LMO7: variants seen among roughly 807,000 people sequenced by gnomAD.
LMO7 encodes the protein LIM domain only protein 7.
Under a neutral mutation model 206.5 loss-of-function variants are expected in LMO7, and 120 were observed. That is an observed-to-expected ratio of 0.58 (90% CI 0.50 to 0.68). The LOEUF (loss-of-function observed/expected upper bound fraction) is 0.68, where lower values mean the gene tolerates loss of function less well. Ranked by LOEUF, LMO7 falls within the 30% of genes least tolerant of loss-of-function variation. LMO7 has a pLI of 0.00. For missense variants in LMO7, 1,959 were observed against 1,957.9 expected (o/e 1.00, Z -0.01); for synonymous variants, 706 against 681.5 (o/e 1.04, Z -0.56).
At chr13:75,635,428 C>T (rs1016698580), upstream of LMO7, among the ~76,000 whole-genome samples, 3 of 151,680 alleles carry the variant, frequency 2.0e-5, no homozygotes, top group African/African-American at 7.2e-5. Flanking sequence ...CCGTGTGCCT[C>T]CCGCCCCGCC....
intron 1 of LMO7, among the ~76,000 whole-genome samples, chr13:75,650,613 T>A (rs1316386800): frequency 6.6e-6 from 1 of 152,202 alleles, no homozygotes; most frequent in Non-Finnish European, 1.5e-5. Flanking sequence ...GAAAACATGG[T>A]CATATGTTCT....
At chr13:75,826,134 G>A (rs2058092977) in intron 15 of LMO7, among the ~76,000 whole-genome samples, 1 of 151,896 alleles carries the variant, frequency 6.6e-6, no homozygotes, top group African/African-American at 2.4e-5. Flanking sequence ...TCAACCTCCT[G>A]GACTGAAGCA....
intron 1 of LMO7, among the ~76,000 whole-genome samples, chr13:75,690,025 C>G (rs557082070): frequency 5.3e-4 from 81 of 151,986 alleles, no homozygotes; most frequent in African/African-American, 1.9e-3. Flanking sequence ...CGAAGAGAAC[C>G]CTTTCCGACT....
chr13:75,859,003 A>C lies in LMO7; in HGVS notation c.*1060A>C, dbSNP rs1416415533. On this transcript the variant is annotated 3_prime_UTR_variant, in exon 31 of 31. Transcript: ENST00000377534. The stretch of plus-strand genomic sequence containing the variant: ...GATCATTTGAATAAAATCTTTTACT[A>C]ACCCCATGATAAAAGGAGAAGACAA... 3 of 152,336 alleles carry C rather than the reference A, an allele frequency of 2.0e-5. No homozygotes were observed. The highest frequency in any genetic ancestry group is 2.0e-4 in the Admixed American group (3 of 15,310). 9.4% of individuals were successfully genotyped at this position (152,336 alleles called of 1,614,324 possible).
At chr13:75,719,497 G>A (rs2043841460) in intron 2 of LMO7, among the ~76,000 whole-genome samples, 1 of 152,178 alleles carries the variant, frequency 6.6e-6, no homozygotes, top group African/African-American at 2.4e-5. Flanking sequence ...CCTGATGGGA[G>A]GTGATTAGAT....
rs2039059629 is a variant in LMO7, at chr13:75,666,212, T to C, written c.69+29486T>C. Reference sequence around the variant, plus strand: ...ATTGGTTTAACCCATTTATGCCTAGTGTTCCATTATTGGAACGTTAAGCTT... The same window carrying C: ...ATTGGTTTAACCCATTTATGCCTAGCGTTCCATTATTGGAACGTTAAGCTT... On this transcript the variant is annotated intron_variant, in intron 1 of 30. Transcript: ENST00000377534. 2.6e-5 allele frequency among the ~76,000 whole-genome samples: 4 copies of C among 152,258 alleles called. No homozygotes were observed. In the South Asian group the frequency reaches 8.3e-4, roughly 31 times the overall value.
chr13:75,633,841 C>CTTTTTT (rs60769000), upstream of LMO7, among the ~76,000 whole-genome samples: 22 of 64,670 alleles, frequency 3.4e-4, no homozygotes, highest in African/African-American at 7.5e-4. Flanking sequence ...GTGTCTTTTC[C>CTTTTTT]TTTTTTTTTT....
rs1232685490 is a variant in LMO7, at chr13:75,849,264, C to G, written c.4336C>G (p.Pro1446Ala). The G allele has an allele frequency of 1.9e-6, 3 of 1,613,832 alleles. No individual in the cohort carries two copies. The highest frequency in any genetic ancestry group is 1.3e-5 in the African/African-American group (1 of 74,908). Residue 1446 changes from proline to alanine, a missense_variant, in exon 27 of 31, where the codon CCT becomes GCT. By Grantham distance (27) the Pro-to-Ala change is conservative (BLOSUM62 -1). Coordinates refer to ENST00000377534, the MANE Select transcript of LMO7 (RefSeq NM_001306080.2). ...GCGCAGTGCCAGTGTCAACAAAGAG[C>G]CTGTTAGTCTTCCTGGGATCATGAG... is the stretch of plus-strand genomic sequence containing the variant. ...RQRSASVNKE[P>A]VSLPGIMRRG...
chr13:75,841,835 GA>G lies in LMO7; in HGVS notation c.3884del (p.Glu1295GlyfsTer37), dbSNP rs771900742. 6.2e-6 allele frequency: 10 copies of G among 1,614,010 alleles called. No individual in the cohort carries two copies. ...KPQDQLVIER[E>X]RKWEQQLQEE... is the part of the protein sequence containing the mutation. ...GCAGGATCAGCTTGTTATTGAGAGA[GA>G]GAGGAAATGGGAGCAACAGCTTCAG... On this transcript the variant is annotated frameshift_variant, in exon 24 of 31. Transcript: ENST00000377534. LOFTEE classifies it high-confidence loss of function.
intron 1 of LMO7, among the ~76,000 whole-genome samples, chr13:75,679,346 G>A (rs1337949068): frequency 1.3e-5 from 2 of 152,214 alleles, no homozygotes; most frequent in Non-Finnish European, 2.9e-5. Context: ...AATAGGCTGA[G>A]AGCGGCAGTT....
intron 4 of LMO7, among the ~76,000 whole-genome samples, chr13:75,766,359 C>T (rs955284671): frequency 2.7e-5 from 4 of 150,812 alleles, no homozygotes; most frequent in Non-Finnish European, 5.9e-5. Flanking sequence ...AGGGTATAGG[C>T]ATTGGGGGTA....
chr13:75,772,711 G>A (rs1462507789), intron 4 of LMO7, among the ~76,000 whole-genome samples: 2 of 152,128 alleles, frequency 1.3e-5, no homozygotes, highest in Non-Finnish European at 2.9e-5. Context: ...ACATGTTAAT[G>A]TGTATCTGTC....
chr13:75,783,934 C>A (rs112293713), intron 4 of LMO7, among the ~76,000 whole-genome samples: 1 of 152,076 alleles, frequency 6.6e-6, no homozygotes, highest in Non-Finnish European at 1.5e-5. Flanking sequence ...ATTTTAGACC[C>A]CTGGGAACCT....
intron 26 of LMO7, among the ~76,000 whole-genome samples, 184 bp downstream of exon 26, chr13:75,845,563 A>AT (rs1471679143): frequency 6.6e-6 from 1 of 152,210 alleles, no homozygotes; most frequent in Non-Finnish European, 1.5e-5. Flanking sequence ...TTTTGGCTTT[A>AT]TTTTATATTG....
Position 75,835,257 on chromosome 13 carries a change from A to T in LMO7, c.3251A>T (p.Asp1084Val). The change falls in exon 18 of 31, where the codon GAT (aspartate) becomes GTT (valine). Residue 1084 changes from aspartate to valine, a missense_variant. By Grantham distance (152) the Asp-to-Val change is radical (BLOSUM62 -3). Coordinates refer to ENST00000377534, the MANE Select transcript of LMO7 (RefSeq NM_001306080.2). The stretch of plus-strand genomic sequence containing the variant: ...GGTTCACCTGAAACAAAGTGGATTG[A>T]TGCAACTTCTGGAATTTACAACTCA... ...KAGSPETKWIDATSGIYNSEK... is the reference protein window; with the variant it reads ...KAGSPETKWIVATSGIYNSEK... 1 of 1,612,352 alleles carries T rather than the reference A, an allele frequency of 6.2e-7. No homozygotes were observed. Among genetic ancestry groups the T allele is most frequent in the Non-Finnish European group, 8.5e-7 (1 of 1,179,036 alleles).
intron 15 of LMO7, among the ~76,000 whole-genome samples, chr13:75,830,630 G>A (rs746195836): frequency 1.3e-5 from 2 of 152,150 alleles, no homozygotes; most frequent in African/African-American, 4.8e-5. Context: ...TTTCAAAGAG[G>A]AGGAGGTTAT....
chr13:75,670,940 A>G (rs2039505530), intron 1 of LMO7, among the ~76,000 whole-genome samples: 2 of 107,340 alleles, frequency 1.9e-5, no homozygotes, highest in Non-Finnish European at 4.4e-5. Context: ...TTCTTATTCT[A>G]TACCTTTTTT....
intron 3 of LMO7, among the ~76,000 whole-genome samples, chr13:75,734,634 A>G (rs908943991): frequency 6.6e-6 from 1 of 152,254 alleles, no homozygotes; most frequent in South Asian, 2.1e-4. Context: ...CTCAGAAAAT[A>G]TCTGTCTAGG....
upstream of LMO7, among the ~76,000 whole-genome samples, chr13:75,635,536 T>C (rs1260463591): frequency 6.6e-6 from 1 of 151,336 alleles, no homozygotes; most frequent in Admixed American, 6.6e-5. Context: ...CCACGAAGGG[T>C]GGGAATTTTG....
Sources: gnomAD v4.1 joint callset for allele counts (sites outside exome capture counted in the v4.1 genomes callset) on GRCh38, gnomAD v4.1.1 for gene constraint, MANE v1.5 for transcripts, NCBI Gene and HGNC (gene_info 2026-07-23, HGNC 2026-07-21) for gene names.